Variants in SLC38A6 observed in about 807,000 individuals in gnomAD.
SLC38A6 encodes N system amino acid transporter NAT-1.
In SLC38A6, 73 loss-of-function variants were observed where a neutral mutation model predicts 65.0. That is an observed-to-expected ratio of 1.12 (90% CI 0.93 to 1.37). The LOEUF (loss-of-function observed/expected upper bound fraction) is 1.37. Among genes scored for constraint, SLC38A6 ranks in the 40% most tolerant of loss-of-function variants. The pLI is 0.00. For missense variants in SLC38A6, 561 were observed against 531.1 expected (o/e 1.06, Z -0.55); for synonymous variants, 183 against 178.8 (o/e 1.02, Z -0.19).
intron 7 of SLC38A6, 87 bp from the exon 8 acceptor site, chr14:61,037,538 G>A (rs1203759488): frequency 2.2e-6 from 2 of 916,514 alleles, no homozygotes; most frequent in Admixed American, 5.2e-5. Context: ...CACTATAATA[G>A]AAAACATGCC....
chr14:61,011,961 C>G (rs559650773), intron 3 of SLC38A6, among the ~76,000 whole-genome samples: 2 of 152,304 alleles, frequency 1.3e-5, no homozygotes, highest in East Asian at 3.9e-4. Context: ...AGGAATGGTA[C>G]CAGCTCCTCC....
chr14:60,998,146 A>G (rs1473924643), intron 3 of SLC38A6, among the ~76,000 whole-genome samples: 1 of 151,890 alleles, frequency 6.6e-6, no homozygotes, highest in Non-Finnish European at 1.5e-5. Context: ...TGATATGGGC[A>G]GGAGGCAGGG....
At chr14:60,995,329 C>T (rs1052321374) in intron 3 of SLC38A6, among the ~76,000 whole-genome samples, 21 of 152,136 alleles carry the variant, frequency 1.4e-4, no homozygotes, top group African/African-American at 4.3e-4. Flanking sequence ...CATGCATAGA[C>T]ATGGAGAACA....
chr14:61,045,743 G>A (rs1180687100), intron 11 of SLC38A6, among the ~76,000 whole-genome samples: 9 of 152,072 alleles, frequency 5.9e-5, no homozygotes, highest in South Asian at 4.2e-4. Context: ...AAAAATAGCC[G>A]GACGTGGTGG....
intron 8 of SLC38A6, among the ~76,000 whole-genome samples, chr14:61,039,059 A>G (rs1217155524): frequency 3.9e-5 from 6 of 152,246 alleles, no homozygotes; most frequent in Admixed American, 2.6e-4. Flanking sequence ...ATAATTGGCA[A>G]TGCAATCATT....
intron 6 of SLC38A6, among the ~76,000 whole-genome samples, chr14:61,032,395 C>T (rs916866190): frequency 2.5e-4 from 38 of 151,424 alleles, no homozygotes; most frequent in African/African-American, 9.0e-4. Context: ...ATATTTTTAC[C>T]GTAGCTTCAT....
At chr14:60,989,782 A>G (rs992705752) in intron 3 of SLC38A6, among the ~76,000 whole-genome samples, 1 of 152,200 alleles carries the variant, frequency 6.6e-6, no homozygotes, top group Non-Finnish European at 1.5e-5. Flanking sequence ...TCCCACTCCT[A>G]TCAGGCTTTT....
At chr14:61,081,123 A>G (rs985333615) in intron 16 of SLC38A6, among the ~76,000 whole-genome samples, 4 of 152,176 alleles carry the variant, frequency 2.6e-5, no homozygotes, top group African/African-American at 9.7e-5. Context: ...GAGCCTTGGG[A>G]TGGAATTAGA....
chr14:61,052,304 TTC>T, intron 15 of SLC38A6, 43 bp from the exon 16 acceptor site: 3 of 1,460,394 alleles, frequency 2.1e-6, no homozygotes, highest in Non-Finnish European at 2.8e-6. Flanking sequence ...TTTATCTTTT[TTC>T]TTTTATCTTT....
chr14:61,074,696 TCCCTCCCTC>T (rs2043339946), intron 15 of SLC38A6, among the ~76,000 whole-genome samples: 1 of 116,648 alleles, frequency 8.6e-6, no homozygotes, highest in Non-Finnish European at 1.7e-5. Flanking sequence ...CCTCCCTCCC[TCCCTCCCTC>T]CCTCCCTTCC....
At chr14:61,079,133 CT>C (rs34713691) in intron 16 of SLC38A6, among the ~76,000 whole-genome samples, 2,004 of 93,856 alleles carry the variant, frequency 0.021, 8 homozygotes, top group South Asian at 0.036. Flanking sequence ...TGCCTCCAAA[CT>C]TTTTTTTTTT....
chr14:61,069,180 C>A (rs1391905404), intron 15 of SLC38A6, among the ~76,000 whole-genome samples: 2 of 152,176 alleles, frequency 1.3e-5, no homozygotes, highest in Non-Finnish European at 2.9e-5. Flanking sequence ...CTCCAATGCA[C>A]AACTACTGGA....
At chr14:61,062,685 G>C (rs555456497) in intron 15 of SLC38A6, among the ~76,000 whole-genome samples, 1 of 151,996 alleles carries the variant, frequency 6.6e-6, no homozygotes, top group Non-Finnish European at 1.5e-5. Flanking sequence ...CTGGGGTTTT[G>C]TTTTGTTTTT....
At chr14:61,061,879 C>G (rs1208805191) in intron 15 of SLC38A6, among the ~76,000 whole-genome samples, 1 of 152,116 alleles carries the variant, frequency 6.6e-6, no homozygotes, top group Non-Finnish European at 1.5e-5. Context: ...ACTCTGTCAC[C>G]TAGGCTGGAG....
intron 5 of SLC38A6, among the ~76,000 whole-genome samples, chr14:61,020,484 T>A (rs186117015): frequency 3.3e-5 from 5 of 152,286 alleles, no homozygotes; most frequent in Non-Finnish European, 5.9e-5. Context: ...TTAAGTATTG[T>A]TCAATCAAAT....
intron 15 of SLC38A6, among the ~76,000 whole-genome samples, chr14:61,065,554 C>T (rs1056328839): frequency 6.6e-6 from 1 of 151,976 alleles, no homozygotes; most frequent in Admixed American, 6.6e-5. Context: ...TTCTCATATC[C>T]CTGGGGTAGT....
At chr14:61,047,974 GATAC>G (rs201975441) in intron 12 of SLC38A6, among the ~76,000 whole-genome samples, 5,098 of 76,846 alleles carry the variant, frequency 0.066, 166 homozygotes, top group South Asian at 0.18. Context: ...TAGATAGATA[GATAC>G]ATACATACAT....
intron 12 of SLC38A6, among the ~76,000 whole-genome samples, chr14:61,049,466 G>A (rs2042373558): frequency 6.6e-6 from 1 of 152,022 alleles, no homozygotes; most frequent in Admixed American, 6.6e-5. Context: ...TTAGTATATG[G>A]CCATCCCCAT....
rs939685864 is a variant in SLC38A6 at position 61,068,804 on chromosome 14, C to T, written c.1291-10006C>T. 5.3e-5 allele frequency among the ~76,000 whole-genome samples: 8 copies of T among 152,192 alleles called. No individual in the cohort carries two copies. In the South Asian group the frequency reaches 1.7e-3, roughly 32 times the overall value. ...CTTATTTATAACCAAATCCTCAGAG[C>T]TTAGGACAGTGCCTGGTACTTTGGA... On this transcript the variant is annotated intron_variant, in intron 15 of 16. Coordinates refer to the SLC38A6 transcript ENST00000354886.
Sources: gnomAD v4.1 joint callset for allele counts (sites outside exome capture counted in the v4.1 genomes callset) on GRCh38, gnomAD v4.1.1 for gene constraint, MANE v1.5 for transcripts, NCBI Gene and HGNC (gene_info 2026-07-23, HGNC 2026-07-21) for gene names.